The following CHRM3 variants were observed in gnomAD, a reference collection of about 807,000 sequenced individuals.
The protein encoded by CHRM3 is muscarinic acetylcholine receptor M3.
A neutral mutation model predicts 41.8 loss-of-function variants in CHRM3; 11 were observed. That is an observed-to-expected ratio of 0.26 (90% CI 0.17 to 0.44). The LOEUF is 0.44. CHRM3 is among the 20% of genes least tolerant of loss of function. The pLI is 1.00. For synonymous variants in CHRM3, 297 were observed against 301.4 expected (o/e 0.99, Z 0.15); for missense variants, 571 against 745.4 (o/e 0.77, Z 2.72).
chr1:239,620,859 G>A (rs995432376), intron 3 of CHRM3, among the ~76,000 whole-genome samples: 11 of 152,064 alleles, frequency 7.2e-5, no homozygotes, highest in Non-Finnish European at 1.5e-4. Flanking sequence ...GTACTGTTTC[G>A]TGAGAAGGGC....
chr1:239,648,748 C>T (rs1671972246), intron 4 of CHRM3, among the ~76,000 whole-genome samples: 1 of 152,106 alleles, frequency 6.6e-6, no homozygotes, highest in African/African-American at 2.4e-5. Flanking sequence ...CACAGGGTCA[C>T]CAGTAAGTCA....
chr1:239,681,245 T>G (rs1658534018), intron 5 of CHRM3, among the ~76,000 whole-genome samples: 1 of 152,166 alleles, frequency 6.6e-6, no homozygotes, highest in African/African-American at 2.4e-5. Flanking sequence ...ACTGAAATCT[T>G]TACTGTAGAC....
At chr1:239,790,258 GT>G (rs1444635511) in intron 5 of CHRM3, among the ~76,000 whole-genome samples, 1 of 152,206 alleles carries the variant, frequency 6.6e-6, no homozygotes, top group Non-Finnish European at 1.5e-5. Context: ...GTTTTAAAAT[GT>G]GAGGACATGA....
intron 3 of CHRM3, among the ~76,000 whole-genome samples, chr1:239,610,658 C>T (rs1666911008): frequency 6.6e-6 from 1 of 152,108 alleles, no homozygotes; most frequent in African/African-American, 2.4e-5. Context: ...AGACACTTTC[C>T]CAAGGTCATG....
chr1:239,489,777 T>C (rs1181128676), intron 1 of CHRM3, among the ~76,000 whole-genome samples: 1 of 152,216 alleles, frequency 6.6e-6, no homozygotes, highest in African/African-American at 2.4e-5. Context: ...TACAATGTAT[T>C]CATGTTCTGA....
intron 4 of CHRM3, among the ~76,000 whole-genome samples, chr1:239,668,278 G>T (rs1383545430): frequency 6.6e-6 from 1 of 150,964 alleles, no homozygotes; most frequent in Non-Finnish European, 1.5e-5. Flanking sequence ...TAGTAGAGAT[G>T]GGTTTTCACC....
chr1:239,757,252 C>T (rs1666318152), intron 5 of CHRM3, among the ~76,000 whole-genome samples: 2 of 152,176 alleles, frequency 1.3e-5, no homozygotes. Context: ...GAGTGAGATA[C>T]TGAAAGATCA....
At chr1:239,474,145 A>G (rs887037972) in intron 1 of CHRM3, among the ~76,000 whole-genome samples, 1 of 152,120 alleles carries the variant, frequency 6.6e-6, no homozygotes, top group Non-Finnish European at 1.5e-5. Context: ...AAAGATATTC[A>G]ATCTTGTTTA....
At chr1:239,780,260 G>T (rs1668412922) in intron 5 of CHRM3, among the ~76,000 whole-genome samples, 1 of 152,194 alleles carries the variant, frequency 6.6e-6, no homozygotes. Context: ...ATAAATTAAA[G>T]TTCCTACTGC....
intron 5 of CHRM3, among the ~76,000 whole-genome samples, chr1:239,716,205 G>T (rs1422984550): frequency 6.6e-6 from 1 of 152,076 alleles, no homozygotes; most frequent in Admixed American, 6.6e-5. Context: ...TAGAAGTAAA[G>T]AAAGTGATAC....
intron 5 of CHRM3, chr1:239,704,640 C>T (rs112892180): frequency 5.3e-4 from 81 of 152,120 alleles, no homozygotes; most frequent in African/African-American, 1.9e-3. Context: ...CTGAGCAATA[C>T]CAGAAGGAGG....
intron 5 of CHRM3, among the ~76,000 whole-genome samples, chr1:239,753,468 C>T (rs554083498): frequency 6.6e-6 from 1 of 152,152 alleles, no homozygotes; most frequent in East Asian, 1.9e-4. Flanking sequence ...TTCACATGGC[C>T]AGCATGAGAA....
At chr1:239,611,376 A>G (rs1667011173) in intron 3 of CHRM3, among the ~76,000 whole-genome samples, 1 of 151,188 alleles carries the variant, frequency 6.6e-6, no homozygotes, top group South Asian at 2.1e-4. Flanking sequence ...GTCAACAGAC[A>G]ATCTATTAAA....
At chr1:239,491,610 T>C (rs1667558372) in intron 1 of CHRM3, among the ~76,000 whole-genome samples, 1 of 152,208 alleles carries the variant, frequency 6.6e-6, no homozygotes, top group African/African-American at 2.4e-5. Context: ...GTGGATTCTA[T>C]GTCTTGGCTA....
chr1:239,592,371 T>C (rs1240290895), intron 3 of CHRM3, among the ~76,000 whole-genome samples: 1 of 152,176 alleles, frequency 6.6e-6, no homozygotes, highest in Non-Finnish European at 1.5e-5. Context: ...AATGTAACTA[T>C]CGCAATTAAT....
chr1:239,446,072 A>G (rs761719265), intron 1 of CHRM3, among the ~76,000 whole-genome samples: 16 of 152,020 alleles, frequency 1.1e-4, no homozygotes, highest in Non-Finnish European at 1.9e-4. Flanking sequence ...GAGTAGCTGG[A>G]ACTACAGGTG....
intron 1 of CHRM3, among the ~76,000 whole-genome samples, chr1:239,445,066 A>G (rs1664025663): frequency 6.6e-6 from 1 of 152,214 alleles, no homozygotes; most frequent in Admixed American, 6.5e-5. Flanking sequence ...GAATTATCTT[A>G]ATGAATGATA....
intron 1 of CHRM3, among the ~76,000 whole-genome samples, chr1:239,403,042 A>C (rs1260575972): frequency 1.3e-5 from 2 of 152,158 alleles, no homozygotes; most frequent in Non-Finnish European, 2.9e-5. Flanking sequence ...CATCTTTTTC[A>C]ATCCCCATGC....
chr1:239,482,364 G>A (rs1273337475), intron 1 of CHRM3, among the ~76,000 whole-genome samples: 2 of 152,182 alleles, frequency 1.3e-5, no homozygotes, highest in Non-Finnish European at 2.9e-5. Flanking sequence ...GGGGAGAAAA[G>A]CACCCACAAG....
Sources: gnomAD v4.1 joint callset for allele counts (sites outside exome capture counted in the v4.1 genomes callset) on GRCh38, gnomAD v4.1.1 for gene constraint, MANE v1.5 for transcripts, NCBI Gene and HGNC (gene_info 2026-07-23, HGNC 2026-07-21) for gene names.